Variants in LRRC9 observed in about 807,000 individuals in gnomAD.
The protein encoded by LRRC9 is leucine rich repeat containing 9.
A neutral mutation model predicts 63.2 loss-of-function variants in LRRC9; 122 were observed. The ratio of observed to expected loss-of-function variants is 1.93; its 90% confidence interval spans 1.67 to 2.24. The LOEUF is 2.24. Among genes scored for constraint, LRRC9 ranks in the 30% most tolerant of loss-of-function variants. The probability of loss-of-function intolerance (pLI) is 0.00; values close to 1 mark genes in which losing one functional copy is unlikely to be tolerated. For missense variants in LRRC9, 1,071 were observed against 627.7 expected, an observed-to-expected ratio of 1.71 and a Z score of -7.55; for synonymous variants, 366 against 213.1, an observed-to-expected ratio of 1.72 and a Z score of -6.25.
intron 23 of LRRC9, among the ~76,000 whole-genome samples, chr14:60,009,126 T>A (rs1890050090): frequency 6.6e-6 from 1 of 152,212 alleles, no homozygotes; most frequent in Non-Finnish European, 1.5e-5. Context: ...TGCCTTCATT[T>A]GAAGGGCCAC....
intron 29 of LRRC9, among the ~76,000 whole-genome samples, chr14:60,049,837 T>C (rs766128455): frequency 1.1e-4 from 17 of 152,172 alleles, no homozygotes; most frequent in Non-Finnish European, 2.1e-4. Flanking sequence ...CTAGATAATA[T>C]CCTGAAGTAT....
chr14:60,045,256 T>C (rs559496216), intron 29 of LRRC9, among the ~76,000 whole-genome samples: 2 of 152,190 alleles, frequency 1.3e-5, no homozygotes, highest in Admixed American at 1.3e-4. Flanking sequence ...TTCTTTCTTT[T>C]TTAAAAAAAA....
At chr14:59,928,469 G>C (rs1466953436) in exon 3 of LRRC9, 3 of 687,826 alleles carry the variant, frequency 4.4e-6, no homozygotes, top group Non-Finnish European at 7.9e-6. Context: ...ACTTTGGATT[G>C]CTGAGTGCTG....
intron 8 of LRRC9, among the ~76,000 whole-genome samples, chr14:59,945,210 A>T (rs1053564406): frequency 3.3e-5 from 5 of 151,984 alleles, no homozygotes; most frequent in African/African-American, 1.2e-4. Context: ...CTTTAAATCA[A>T]GCTATATGTT....
intron 17 of LRRC9, 83 bp from the exon 18 acceptor site, chr14:59,997,573 G>A: frequency 1.7e-6 from 1 of 593,244 alleles, no homozygotes; most frequent in Non-Finnish European, 3.0e-6. Context: ...AGTGTGTAAA[G>A]TATGTAAAGA....
chr14:59,932,187 A>G lies in LRRC9; in HGVS notation c.543+148A>G. The G allele has an allele frequency of 5.3e-6, 3 of 566,686 alleles. No individual in the cohort carries two copies. Among genetic ancestry groups the G allele is most frequent in the South Asian group, 4.7e-5 (2 of 42,922 alleles). The allele number at this position is 566,686 out of a possible 1,614,324, so 35.1% of individuals were successfully genotyped here. On this transcript the variant is annotated intron_variant, in intron 6 of 31. Transcript: ENST00000445360. The surrounding 1 kb of genome is among the most constrained non-coding windows in gnomAD (Gnocchi z 4.7). ...CAGGAAATTTGAAAGTCATCTGACT[A>G]CATTGGCCTTAATGATCTGACACTA...
At position 60,014,054 on chromosome 14, in the gene LRRC9, A is replaced by G. The variant is rs78832574; in HGVS notation, c.3187-2606A>G. ...TTTGAAATTCTATTTTTATTTATCC[A>G]TAGTGTTTTTTAGTGTATCTCTTCA... On this transcript the variant is annotated intron_variant, in intron 23 of 31. Transcript: ENST00000445360. Among the ~76,000 whole-genome samples the G allele has an allele frequency of 3.4e-3, 511 of 151,572 alleles. 18 individuals carry two copies. In the East Asian group the frequency reaches 0.057, roughly 17 times the overall value.
intron 29 of LRRC9, among the ~76,000 whole-genome samples, chr14:60,038,554 T>C (rs1892654818): frequency 6.6e-6 from 1 of 152,200 alleles, no homozygotes; most frequent in South Asian, 2.1e-4. Flanking sequence ...CACTCACAAT[T>C]TGGCTCTCTG....
At chr14:59,953,129 G>T (rs542610271) in intron 8 of LRRC9, among the ~76,000 whole-genome samples, 5 of 152,366 alleles carry the variant, frequency 3.3e-5, no homozygotes, top group African/African-American at 1.2e-4. Context: ...ACATGTGCAT[G>T]TGTCTTTATA....
In LRRC9 at chr14:60,019,098, TTAA is replaced by T. The variant is rs1035723788; in HGVS notation, c.3427-19_3427-17del. 4.6e-6 allele frequency: 3 copies of T among 651,160 alleles called. No individual in the cohort carries two copies. In the African/African-American group the frequency reaches 5.5e-5, roughly 12 times the overall value. 40.3% of individuals were successfully genotyped at this position (651,160 alleles called of 1,614,324 possible). A position where few individuals can be genotyped will look rare whatever the true frequency, so the allele number is the denominator to read the frequency against. On this transcript the variant is annotated intron_variant, in intron 25 of 31. Transcript: ENST00000445360. ...TTTTAATAATTTCTAGGATTTCTGA[TTAA>T]TAAGATATTCTTTCTGTAGGTCTTA...
At chr14:60,032,022 G>A (rs567095269) in exon 29 of LRRC9, 26 of 700,468 alleles carry the variant, frequency 3.7e-5, no homozygotes, top group South Asian at 1.5e-4. Flanking sequence ...AAAACTTGAC[G>A]TTATCTCTAC....
At chr14:60,039,105 T>C (rs914036421) in intron 29 of LRRC9, among the ~76,000 whole-genome samples, 1 of 152,196 alleles carries the variant, frequency 6.6e-6, no homozygotes, top group Non-Finnish European at 1.5e-5. Context: ...TGCATCCCAG[T>C]GATGAAGCCG....
At chr14:60,040,520 T>C (rs1203648159) in intron 29 of LRRC9, among the ~76,000 whole-genome samples, 1 of 151,926 alleles carries the variant, frequency 6.6e-6, no homozygotes, top group African/African-American at 2.4e-5. Context: ...TATAATGGCC[T>C]TCTTTGTCTA....
intron 12 of LRRC9, among the ~76,000 whole-genome samples, chr14:59,967,747 T>TA (rs1474169971): frequency 6.6e-6 from 1 of 152,202 alleles, no homozygotes; most frequent in Non-Finnish European, 1.5e-5. Context: ...CACACTGGTG[T>TA]AGAGCAGCGC....
At chr14:59,996,366 T>C (rs1888791369) in intron 17 of LRRC9, among the ~76,000 whole-genome samples, 1 of 152,226 alleles carries the variant, frequency 6.6e-6, no homozygotes, top group African/African-American at 2.4e-5. Flanking sequence ...TTTTAGGTTT[T>C]AATTCAACTC....
intron 1 of LRRC9, among the ~76,000 whole-genome samples, chr14:59,921,211 T>C (rs1044763727): frequency 6.6e-6 from 1 of 152,138 alleles, no homozygotes; most frequent in African/African-American, 2.4e-5. Flanking sequence ...AGAACTATAG[T>C]TGTGGCCTGA....
rs1379516790 is a variant in LRRC9, at chr14:59,923,976, T to G, written c.-33-3935T>G. Among the ~76,000 whole-genome samples the G allele has an allele frequency of 1.3e-5, 2 of 152,076 alleles. No individual in the cohort carries two copies. The highest frequency in any genetic ancestry group is 2.9e-5 in the Non-Finnish European group (2 of 68,004). ...AACAATAACAACAACAAAAAACAGA[T>G]ACTCGTGCAGGAATAGTCAGAGCTA... On this transcript the variant is annotated intron_variant, in intron 1 of 31. Transcript: ENST00000445360. This position sits in a 1 kb window ranked among gnomAD's most constrained non-coding sequence, Gnocchi z 4.2.
chr14:59,944,243 A>G (rs976046499), intron 7 of LRRC9, among the ~76,000 whole-genome samples: 1 of 152,010 alleles, frequency 6.6e-6, no homozygotes, highest in African/African-American at 2.4e-5. Flanking sequence ...TCAAATAGGA[A>G]TAATGAGTTA....
At chr14:59,968,988 A>C (rs1475830085) in intron 12 of LRRC9, 6 of 152,118 alleles carry the variant, frequency 3.9e-5, no homozygotes, top group African/African-American at 1.2e-4. Flanking sequence ...AAACACTATA[A>C]TTTTTATATT....
Sources: allele counts gnomAD v4.1 joint callset (sites outside exome capture counted in the v4.1 genomes callset), GRCh38; gene constraint gnomAD v4.1.1; non-coding constraint Gnocchi (gnomAD v3.1); transcripts MANE v1.5; gene names NCBI Gene and HGNC (gene_info 2026-07-23, HGNC 2026-07-21).